Variants in ADGRL2 observed in about 807,000 individuals in gnomAD.
The protein encoded by ADGRL2 is adhesion G protein-coupled receptor L2.
A neutral mutation model predicts 157.4 loss-of-function variants in ADGRL2; 44 were observed. The observed-to-expected ratio is 0.28, with a 90% confidence interval of 0.22 to 0.36. ADGRL2 has a LOEUF of 0.36. Ranked by LOEUF, ADGRL2 falls within the 10% of genes least tolerant of loss-of-function variation. The pLI is 1.00. For synonymous variants in ADGRL2, 585 were observed against 624.7 expected (o/e 0.94, Z 0.95); for missense variants, 1,510 against 1,768.9 (o/e 0.85, Z 2.63).
At chr1:81,512,337 G>C (rs1312193580) in intron 2 of ADGRL2, among the ~76,000 whole-genome samples, 1 of 152,186 alleles carries the variant, frequency 6.6e-6, no homozygotes, top group Admixed American at 6.5e-5. Flanking sequence ...GCTTAAAGAA[G>C]TGCAAAATCA....
At chr1:81,879,720 A>T (rs192077322) in intron 2 of ADGRL2, among the ~76,000 whole-genome samples, 3 of 152,204 alleles carry the variant, frequency 2.0e-5, no homozygotes, top group Admixed American at 6.5e-5. Context: ...TCGTTTAAAT[A>T]TGTTGTATGG....
At chr1:81,561,141 C>G (rs972744797) in intron 2 of ADGRL2, among the ~76,000 whole-genome samples, 2 of 152,006 alleles carry the variant, frequency 1.3e-5, no homozygotes, top group Non-Finnish European at 2.9e-5. Context: ...AACATCCTTA[C>G]GCTGCTCTAC....
rs2093164511 is a variant in ADGRL2, at chr1:81,855,303, T to C, written c.73+18246T>C. Among the ~76,000 whole-genome samples the C allele has an allele frequency of 3.3e-5, 5 of 152,048 alleles. No individual in the cohort carries two copies. The South Asian group carries it at 1.0e-3, about 32-fold the overall frequency. Reference sequence around the variant, plus strand: ...GAAAATTTAAAAAATTAGCCAGGCATAGTGACATGCACCCATGGTCCCAGC... The same window carrying C: ...GAAAATTTAAAAAATTAGCCAGGCACAGTGACATGCACCCATGGTCCCAGC... On this transcript the variant is annotated intron_variant, in intron 2 of 23. Transcript: ENST00000686636.
intron 1 of ADGRL2, among the ~76,000 whole-genome samples, chr1:81,821,739 G>T (rs2091005351): frequency 6.6e-6 from 1 of 152,134 alleles, no homozygotes; most frequent in Non-Finnish European, 1.5e-5. Flanking sequence ...CATGAGAAGT[G>T]CATCTTATCA....
intron 3 of ADGRL2, among the ~76,000 whole-genome samples, chr1:81,598,429 T>A (rs1415949988): frequency 2.0e-5 from 3 of 152,184 alleles, no homozygotes; most frequent in African/African-American, 7.2e-5. Flanking sequence ...CTTACAATAA[T>A]TGAGATTTGT....
At chr1:81,870,485 T>G (rs1330257449) in intron 2 of ADGRL2, among the ~76,000 whole-genome samples, 1 of 152,100 alleles carries the variant, frequency 6.6e-6, no homozygotes, top group Non-Finnish European at 1.5e-5. Context: ...ATATGGAAAC[T>G]TTTAGTCAGT....
At chr1:81,312,726 T>C (rs761539802) in intron 1 of ADGRL2, among the ~76,000 whole-genome samples, 1 of 152,198 alleles carries the variant, frequency 6.6e-6, no homozygotes, top group Admixed American at 6.5e-5. Flanking sequence ...TGGGGTGTTA[T>C]CGGATTCAGA....
intron 2 of ADGRL2, chr1:81,505,068 G>C (rs891487983): frequency 7.4e-6 from 3 of 404,664 alleles, no homozygotes; most frequent in Admixed American, 7.7e-5. Flanking sequence ...GGCGTGGCTC[G>C]CACTCAGTCC....
intron 3 of ADGRL2, among the ~76,000 whole-genome samples, chr1:81,930,980 T>A (rs927812563): frequency 5.3e-5 from 8 of 151,522 alleles, no homozygotes; most frequent in African/African-American, 1.2e-4. Context: ...GGAAAAAAAA[T>A]AAAAATAAAA....
chr1:81,325,322 C>T (rs538153212), intron 1 of ADGRL2, among the ~76,000 whole-genome samples: 13 of 152,224 alleles, frequency 8.5e-5, no homozygotes, highest in Middle Eastern at 3.4e-3. Context: ...GAAGTCTACC[C>T]GACCTGTATT....
At chr1:81,377,790 C>A (rs1420102935) in intron 1 of ADGRL2, among the ~76,000 whole-genome samples, 2 of 99,048 alleles carry the variant, frequency 2.0e-5, no homozygotes, top group African/African-American at 6.6e-5. Flanking sequence ...AGTGTATTAC[C>A]CATCCTACCT....
At chr1:81,686,979 C>T (rs928341612) in intron 3 of ADGRL2, among the ~76,000 whole-genome samples, 24 of 152,110 alleles carry the variant, frequency 1.6e-4, no homozygotes, top group African/African-American at 5.8e-4. Context: ...AGTTTTATTG[C>T]ACTGTAGTCT....
chr1:81,705,695 T>G (rs1404204406), intron 1 of ADGRL2, among the ~76,000 whole-genome samples: 1 of 151,736 alleles, frequency 6.6e-6, no homozygotes, highest in Non-Finnish European at 1.5e-5. Flanking sequence ...AATGGGAGGA[T>G]CGCTTGAGGC....
At chr1:81,351,323 C>T (rs1374376451) in intron 1 of ADGRL2, among the ~76,000 whole-genome samples, 2 of 151,434 alleles carry the variant, frequency 1.3e-5, no homozygotes, top group East Asian at 1.9e-4. Flanking sequence ...AAATTAAAAG[C>T]TTTAAGCTTT....
chr1:81,937,088 T>G (rs1314926285), intron 4 of ADGRL2, among the ~76,000 whole-genome samples: 2 of 151,932 alleles, frequency 1.3e-5, no homozygotes, highest in African/African-American at 2.4e-5. Context: ...AAAACAAACT[T>G]GAATTAGCTA....
chr1:81,505,812 A>G (rs1259520596), intron 2 of ADGRL2, among the ~76,000 whole-genome samples: 1 of 152,182 alleles, frequency 6.6e-6, no homozygotes, highest in East Asian at 1.9e-4. Context: ...TTTATTAAAA[A>G]AAAGCACGTT....
chr1:81,463,696 G>T (rs1023461894), intron 2 of ADGRL2, among the ~76,000 whole-genome samples: 2 of 152,154 alleles, frequency 1.3e-5, no homozygotes, highest in Non-Finnish European at 2.9e-5. Flanking sequence ...GACAGCAAAT[G>T]AACCAGACTC....
At chr1:81,811,559 A>G (rs537944322) in intron 1 of ADGRL2, among the ~76,000 whole-genome samples, 89 of 151,824 alleles carry the variant, frequency 5.9e-4, no homozygotes, top group Middle Eastern at 3.4e-3. Flanking sequence ...ATATCTCTGT[A>G]TACTTGTGGA....
chr1:81,973,367 T>A (rs1659302706), intron 17 of ADGRL2, among the ~76,000 whole-genome samples: 1 of 152,186 alleles, frequency 6.6e-6, no homozygotes, highest in Non-Finnish European at 1.5e-5. Context: ...ATGGCTGACA[T>A]GAAGAGGCAT....
Sources: allele counts gnomAD v4.1 joint callset (sites outside exome capture counted in the v4.1 genomes callset), GRCh38; gene constraint gnomAD v4.1.1; transcripts MANE v1.5; gene names NCBI Gene and HGNC (gene_info 2026-07-23, HGNC 2026-07-21).